ADGRE2: variants seen among roughly 807,000 people sequenced by gnomAD.
The protein encoded by ADGRE2 is adhesion G protein-coupled receptor E2.
ADGRE2 carries 83 observed loss-of-function variants against 100.8 expected under a neutral mutation model. That is an observed-to-expected ratio of 0.82 (90% CI 0.69 to 0.99). The LOEUF (loss-of-function observed/expected upper bound fraction) is 0.99, where lower values mean the gene tolerates loss of function less well. Among genes scored for constraint, ADGRE2 ranks in the 50% least tolerant of loss-of-function variants. The probability of loss-of-function intolerance (pLI) is 0.00; values close to 1 mark genes in which losing one functional copy is unlikely to be tolerated. For missense variants in ADGRE2, 814 were observed against 1,035.7 expected (o/e 0.79, Z 2.94); for synonymous variants, 355 against 413.0 (o/e 0.86, Z 1.70).
intron 1 of ADGRE2, among the ~76,000 whole-genome samples, chr19:14,778,029 CA>C (rs1182246086): frequency 1.3e-5 from 2 of 152,178 alleles, no homozygotes; most frequent in Non-Finnish European, 2.9e-5. Flanking sequence ...ATCGCTGAGT[CA>C]AATGGTATTT....
chr19:14,765,469 T>G, intron 9 of ADGRE2, 55 bp downstream of exon 9: 1 of 1,612,672 alleles, frequency 6.2e-7, no homozygotes. Context: ...AGGAGACGGA[T>G]GCAGTGCTGT....
At position 14,749,560 on chromosome 19, in the gene ADGRE2, GT is replaced by G. The variant is rs1447076401; in HGVS notation, c.2024+1875del. 1.3e-3 allele frequency among the ~76,000 whole-genome samples: 180 copies of G among 137,970 alleles called. 38 individuals are homozygous for G. The highest frequency in any genetic ancestry group is 1.8e-3 in the Non-Finnish European group (118 of 65,848). The allele number at this position is 137,970 out of a possible 152,430, so 90.5% of individuals were successfully genotyped here. A position where few individuals can be genotyped will look rare whatever the true frequency, so the allele number is the denominator to read the frequency against. ...TGGTTATATAATTATTTATAGTTAT[GT>G]TATGTAATTATTTATAGTTATATAA... On this transcript the variant is annotated intron_variant, in intron 16 of 20. Coordinates refer to ENST00000315576, the MANE Select transcript of ADGRE2 (RefSeq NM_013447.4).
rs148152299 is a variant in ADGRE2, at chr19:14,756,281, C to T, written c.1149G>A (p.Val383=). 11 of 1,614,058 alleles carry T rather than the reference C, an allele frequency of 6.8e-6. No individual in the cohort carries two copies. In the African/African-American group the frequency reaches 1.5e-4, roughly 22 times the overall value. The change falls in exon 12 of 21, where the codon GTG becomes GTA. Residue 383 remains valine, a synonymous_variant. Transcript: ENST00000315576. ...RSVTLRQNQA[V]MQLDWNQAQK... is the part of the protein sequence containing the mutation. ...GTGCCTGATTCCAGTCGAGCTGCAT[C>T]ACTGCCTGATTCTGTCTCAAGGTGA...
intron 11 of ADGRE2, among the ~76,000 whole-genome samples, chr19:14,759,503 A>ATATATATATATATATTT (rs60789454): frequency 9.0e-5 from 12 of 133,380 alleles, no homozygotes; most frequent in East Asian, 2.2e-4. Context: ...ATATATATAT[A>ATATATATATATATATTT]TTTTTTTTTT....
chr19:14,763,817 T>TCCTCCTTGTC (rs1222756749), intron 11 of ADGRE2, among the ~76,000 whole-genome samples: 1 of 31,826 alleles, frequency 3.1e-5, no homozygotes. Context: ...ATTCCTCCTC[T>TCCTCCTTGTC]TCCTCCTCTC....
intron 1 of ADGRE2, among the ~76,000 whole-genome samples, chr19:14,777,458 G>A (rs1389586333): frequency 2.0e-5 from 3 of 150,760 alleles, no homozygotes; most frequent in Non-Finnish European, 3.0e-5. Flanking sequence ...GGCGAAGCTC[G>A]GTTTCTTTCT....
intron 16 of ADGRE2, among the ~76,000 whole-genome samples, chr19:14,750,758 C>T (rs540837463): frequency 6.6e-6 from 1 of 152,144 alleles, no homozygotes. Flanking sequence ...GTCTTGAGCA[C>T]TTTGATTTCA....
At chr19:14,761,605 A>G (rs1223643050) in intron 11 of ADGRE2, among the ~76,000 whole-genome samples, 1 of 151,942 alleles carries the variant, frequency 6.6e-6, no homozygotes, top group Non-Finnish European at 1.5e-5. Context: ...AGCTGCAGAC[A>G]TAGGCAAGCA....
chr19:14,750,402 A>T (rs1261600572), intron 16 of ADGRE2, among the ~76,000 whole-genome samples: 1 of 152,076 alleles, frequency 6.6e-6, no homozygotes, highest in Non-Finnish European at 1.5e-5. Flanking sequence ...TGAGGAATAG[A>T]AAAGAATTTC....
In ADGRE2 at chr19:14,775,324, T is replaced by A. The variant is rs73521905; in HGVS notation, c.32-1018A>T. On this transcript the variant is annotated intron_variant, in intron 2 of 20. Coordinates refer to ENST00000315576, the MANE Select transcript of ADGRE2 (RefSeq NM_013447.4). ...CTGGCCAAAAAAATTAAAAATAATT[T>A]AAAAAGTTATTTTAGAGACAGAGTC... Among the ~76,000 whole-genome samples the A allele has an allele frequency of 9.6e-3, 1,456 of 152,182 alleles. 17 individuals carry two copies. Among genetic ancestry groups the A allele is most frequent in the African/African-American group, 0.033 (1,382 of 41,526 alleles).
At chr19:14,756,394 C>T (rs1446957024) in intron 11 of ADGRE2, 49 bp from the exon 12 acceptor site, 1 of 1,285,282 alleles carries the variant, frequency 7.8e-7, no homozygotes, top group South Asian at 1.2e-5. Flanking sequence ...GGAATCGTGC[C>T]TGCAGTGGTT....
intron 11 of ADGRE2, among the ~76,000 whole-genome samples, chr19:14,763,544 T>C (rs1276960620): frequency 1.3e-5 from 2 of 151,690 alleles, no homozygotes; most frequent in Non-Finnish European, 2.9e-5. Context: ...ATGCATGTTA[T>C]TTATGCATTT....
intron 14 of ADGRE2, among the ~76,000 whole-genome samples, chr19:14,752,894 C>A (rs1157490076): frequency 6.6e-6 from 1 of 151,964 alleles, no homozygotes; most frequent in Non-Finnish European, 1.5e-5. Context: ...GTCTCAGCCT[C>A]CCAAGTAGTT....
At chr19:14,745,944 C>A (rs373736928) in intron 18 of ADGRE2, among the ~76,000 whole-genome samples, 1 of 152,142 alleles carries the variant, frequency 6.6e-6, no homozygotes, top group Non-Finnish European at 1.5e-5. Context: ...GTTTTGTGAT[C>A]GAATCGTATC....
Position 14,751,600 on chromosome 19 carries a change from C to T in ADGRE2, c.1860G>A (p.Glu620=). ...GTGCAGTGAGGAAGAGGTACAGGGC[C>T]TCCAGCAGCATCCAGGTCAAGGTGG... is the stretch of plus-strand genomic sequence containing the variant. ...YLATLTWMLL[E]ALYLFLTARN... The change falls in exon 16 of 21, where the codon GAG becomes GAA. Residue 620 remains glutamate, a synonymous_variant. Coordinates refer to ENST00000315576, the MANE Select transcript of ADGRE2 (RefSeq NM_013447.4). 6.2e-7 allele frequency: 1 copy of T among 1,614,000 alleles called. No individual in the cohort carries two copies.
intron 20 of ADGRE2, chr19:14,741,848 A>C (rs1243155346): frequency 2.5e-6 from 1 of 393,186 alleles, no homozygotes; most frequent in Non-Finnish European, 4.5e-6. Context: ...AAATGGGGTT[A>C]GAATTACACA....
downstream of ADGRE2, among the ~76,000 whole-genome samples, chr19:14,730,782 G>A (rs1033131917): frequency 6.6e-6 from 1 of 151,570 alleles, no homozygotes; most frequent in Non-Finnish European, 1.5e-5. Context: ...TACCTGATAG[G>A]TAGTTTTTCA....
At chr19:14,746,383 T>C in intron 17 of ADGRE2, 60 bp from the exon 18 acceptor site, 1 of 1,020,112 alleles carries the variant, frequency 9.8e-7, no homozygotes, top group Non-Finnish European at 1.5e-6. Context: ...CTCTTTTTTT[T>C]TTTTTTTCAG....
intron 16 of ADGRE2, 39 bp downstream of exon 16, chr19:14,751,397 A>G (rs773600551): frequency 3.8e-5 from 56 of 1,489,200 alleles, no homozygotes; most frequent in Non-Finnish European, 5.0e-5. Context: ...GGCCATGGTT[A>G]TGCCGGAGAA....
Sources: allele counts gnomAD v4.1 joint callset (sites outside exome capture counted in the v4.1 genomes callset), GRCh38; gene constraint gnomAD v4.1.1; transcripts MANE v1.5; gene names NCBI Gene and HGNC (gene_info 2026-07-23, HGNC 2026-07-21).